TSHR: variants seen among roughly 807,000 people sequenced by gnomAD.
TSHR encodes the protein thyroid stimulating hormone receptor.
Under a neutral mutation model 64.1 loss-of-function variants are expected in TSHR, and 51 were observed. The observed-to-expected ratio is 0.80, with a 90% CI of 0.64 to 1.01. The LOEUF (loss-of-function observed/expected upper bound fraction) is 1.01, where lower values mean the gene tolerates loss of function less well. TSHR is among the 50% of genes least tolerant of loss of function. The pLI is 0.00. For missense variants in TSHR, 877 were observed against 942.8 expected (o/e 0.93, Z 0.91); for synonymous variants, 361 against 361.9 (o/e 1.00, Z 0.03).
At chr14:80,977,200 T>A (rs975251461) in intron 1 of TSHR, among the ~76,000 whole-genome samples, 52 of 152,232 alleles carry the variant, frequency 3.4e-4, no homozygotes, top group African/African-American at 1.1e-3. Flanking sequence ...CTCCAGCTAG[T>A]AGTGCTGCCT....
chr14:81,067,483 T>TATATATATATA (rs10528933), intron 2 of TSHR, among the ~76,000 whole-genome samples: 76 of 134,966 alleles, frequency 5.6e-4, no homozygotes, highest in Middle Eastern at 3.7e-3. Context: ...GTTTATAGTT[T>TATATATATATA]TATATATATA....
chr14:81,134,860 G>C lies in TSHR; in HGVS notation c.693-4819G>C, dbSNP rs76711242. ...GATTGAAGGGGCCTGTCTTCCCCCAGTGCCCATTATAATAAATGGAAAAAG... is the reference window on the plus strand; with the variant it reads ...GATTGAAGGGGCCTGTCTTCCCCCACTGCCCATTATAATAAATGGAAAAAG... On this transcript the variant is annotated intron_variant, in intron 8 of 9. Coordinates refer to ENST00000298171, the MANE Select transcript of TSHR (RefSeq NM_000369.5). 7.9e-5 allele frequency among the ~76,000 whole-genome samples: 12 copies of C among 152,254 alleles called. No homozygotes were observed. The East Asian group carries it at 2.3e-3, about 29-fold the overall frequency.
intron 1 of TSHR, among the ~76,000 whole-genome samples, chr14:80,981,043 G>A (rs1228434342): frequency 6.6e-6 from 1 of 151,952 alleles, no homozygotes; most frequent in Non-Finnish European, 1.5e-5. Flanking sequence ...TGTAATTCTT[G>A]GGGGTGTCAG....
rs574785991 is a variant in TSHR, at chr14:81,107,909, A to T, written c.615-466A>T. On this transcript the variant is annotated intron_variant, in intron 7 of 9. Coordinates refer to ENST00000298171, the MANE Select transcript of TSHR (RefSeq NM_000369.5). ...AATCTGACAACTTTACCCAAAGAAA[A>T]CATCTGAATCTCTGACAGTCCTCAG... Among the ~76,000 whole-genome samples, 12 of 152,320 alleles carry T rather than the reference A, an allele frequency of 7.9e-5. No homozygotes were observed. The South Asian group carries it at 1.2e-3, about 16-fold the overall frequency.
chr14:81,018,258 CT>C (rs1883534616), intron 1 of TSHR, among the ~76,000 whole-genome samples: 2 of 152,156 alleles, frequency 1.3e-5, no homozygotes. Flanking sequence ...GACTTCATGT[CT>C]TGCTGTTCCA....
At chr14:80,993,976 C>T (rs1888874227) in intron 1 of TSHR, 1 of 152,150 alleles carries the variant, frequency 6.6e-6, no homozygotes, top group Non-Finnish European at 1.5e-5. Flanking sequence ...TATGCTGCCT[C>T]TTCTGCATCC....
At chr14:81,125,625 C>G (rs1209728828) in intron 8 of TSHR, among the ~76,000 whole-genome samples, 1 of 152,088 alleles carries the variant, frequency 6.6e-6, no homozygotes, top group Non-Finnish European at 1.5e-5. Context: ...AGCTCCTTGA[C>G]TTTCTTTCTG....
chr14:81,032,755 A>C, intron 1 of TSHR: 1 of 437,786 alleles, frequency 2.3e-6, no homozygotes. Flanking sequence ...GCCACCAAGA[A>C]TTCCAAATTG....
chr14:81,027,459 T>A lies in TSHR; in HGVS notation c.171-34689T>A, dbSNP rs566806995. Among the ~76,000 whole-genome samples the A allele has an allele frequency of 2.6e-5, 4 of 151,880 alleles. No homozygotes were observed. In the East Asian group the frequency reaches 7.7e-4, roughly 29 times the overall value. On this transcript the variant is annotated intron_variant, in intron 1 of 9. Coordinates refer to ENST00000298171, the MANE Select transcript of TSHR (RefSeq NM_000369.5). Reference sequence around the variant, plus strand: ...AAGAAAAATAAAGAACCCAAGAGTATCTAAAAAAGGTGAGGGCATAAATAT... The same window carrying A: ...AAGAAAAATAAAGAACCCAAGAGTAACTAAAAAAGGTGAGGGCATAAATAT...
intron 1 of TSHR, among the ~76,000 whole-genome samples, chr14:81,027,669 GA>G (rs1199359386): frequency 2.0e-5 from 3 of 151,906 alleles, no homozygotes; most frequent in South Asian, 2.1e-4. Flanking sequence ...AAACGTAGGG[GA>G]AAAAAACCTA....
At chr14:81,084,566 T>C (rs565589185) in intron 3 of TSHR, among the ~76,000 whole-genome samples, 1 of 152,274 alleles carries the variant, frequency 6.6e-6, no homozygotes, top group South Asian at 2.1e-4. Flanking sequence ...TGCTTGCTCA[T>C]GGGAGAGTAC....
chr14:81,043,982 C>A (rs1189353950), intron 1 of TSHR, among the ~76,000 whole-genome samples: 2 of 152,124 alleles, frequency 1.3e-5, no homozygotes, highest in African/African-American at 4.8e-5. Context: ...CTATAAAAAT[C>A]CTAGAAGAAA....
chr14:81,022,129 G>A (rs547545739), intron 1 of TSHR, among the ~76,000 whole-genome samples: 7 of 141,204 alleles, frequency 5.0e-5, no homozygotes, highest in African/African-American at 2.0e-4. Flanking sequence ...AAAAAGCCAG[G>A]CGTGGTGGTG....
chr14:81,018,054 C>T (rs1456672834), intron 1 of TSHR, among the ~76,000 whole-genome samples: 1 of 152,066 alleles, frequency 6.6e-6, no homozygotes, highest in Non-Finnish European at 1.5e-5. Flanking sequence ...TGGTCTCGAA[C>T]TCCTGACCTC....
intron 4 of TSHR, among the ~76,000 whole-genome samples, chr14:81,088,434 G>A (rs952685383): frequency 6.6e-6 from 1 of 152,162 alleles, no homozygotes; most frequent in Non-Finnish European, 1.5e-5. Context: ...TCCATGGGGA[G>A]TGGAGGGAAA....
chr14:80,985,182 G>T (rs1364297510), intron 1 of TSHR, among the ~76,000 whole-genome samples: 3 of 152,196 alleles, frequency 2.0e-5, no homozygotes, highest in Non-Finnish European at 4.4e-5. Flanking sequence ...CCCGGGAGGC[G>T]GAGCTTGCAG....
intron 8 of TSHR, among the ~76,000 whole-genome samples, chr14:81,120,522 T>C (rs902555253): frequency 6.6e-6 from 1 of 152,260 alleles, no homozygotes; most frequent in Admixed American, 6.5e-5. Flanking sequence ...TTTTGTAGGT[T>C]GACTTTGTAT....
intron 1 of TSHR, among the ~76,000 whole-genome samples, chr14:80,970,317 C>T (rs536952592): frequency 1.3e-5 from 2 of 152,318 alleles, no homozygotes; most frequent in Admixed American, 6.5e-5. Flanking sequence ...CTGCTGTGCT[C>T]ACCTTATTTT....
At chr14:81,036,465 G>A (rs561021596) in intron 1 of TSHR, among the ~76,000 whole-genome samples, 5 of 152,122 alleles carry the variant, frequency 3.3e-5, no homozygotes, top group South Asian at 4.2e-4. Context: ...GTGGGGGTGC[G>A]GGGGAACTGT....
Sources: gnomAD v4.1 joint callset for allele counts (sites outside exome capture counted in the v4.1 genomes callset) on GRCh38, gnomAD v4.1.1 for gene constraint, MANE v1.5 for transcripts, NCBI Gene and HGNC (gene_info 2026-07-23, HGNC 2026-07-21) for gene names.